Variants in MCPH1 observed in about 807,000 individuals in gnomAD.
The protein encoded by MCPH1 is microcephalin.
In MCPH1, 104 loss-of-function variants were observed where a neutral mutation model predicts 84.5. The ratio of observed to expected loss-of-function variants is 1.23; its 90% CI spans 1.05 to 1.45. The LOEUF (loss-of-function observed/expected upper bound fraction) is 1.45. Among genes scored for constraint, MCPH1 ranks in the 40% most tolerant of loss-of-function variants. The pLI is 0.00. For missense variants in MCPH1, 1,498 were observed against 1,005.7 expected (o/e 1.49, Z -6.62); for synonymous variants, 514 against 366.8 (o/e 1.40, Z -4.58).
intron 12 of MCPH1, among the ~76,000 whole-genome samples, chr8:6,618,078 A>G (rs1050618846): frequency 6.6e-6 from 1 of 152,178 alleles, no homozygotes; most frequent in Non-Finnish European, 1.5e-5. Flanking sequence ...AGCTGAAGTT[A>G]GAGTTTAGAG....
chr8:6,433,385 C>T (rs1802127945), intron 4 of MCPH1, among the ~76,000 whole-genome samples: 2 of 152,164 alleles, frequency 1.3e-5, no homozygotes, highest in Admixed American at 6.5e-5. Context: ...GTAATCCCAG[C>T]ACTTCAGAAG....
chr8:6,525,324 G>A (rs963308710), intron 12 of MCPH1, among the ~76,000 whole-genome samples: 2 of 152,134 alleles, frequency 1.3e-5, no homozygotes, highest in African/African-American at 4.8e-5. Context: ...CAAACTCCTA[G>A]GTTCAAGCGA....
chr8:6,413,561 G>A (rs1351927591), intron 2 of MCPH1, among the ~76,000 whole-genome samples: 5 of 151,822 alleles, frequency 3.3e-5, no homozygotes, highest in African/African-American at 9.7e-5. Flanking sequence ...AGCTTCTGAT[G>A]TTCTTGCCTT....
intron 12 of MCPH1, chr8:6,508,793 C>G (rs999814405): frequency 2.1e-5 from 25 of 1,212,840 alleles, no homozygotes; most frequent in Non-Finnish European, 3.0e-5. Flanking sequence ...AACACATTTA[C>G]CTATATCAAG....
intron 12 of MCPH1, among the ~76,000 whole-genome samples, chr8:6,560,040 A>G (rs980620599): frequency 3.3e-5 from 5 of 152,222 alleles, no homozygotes; most frequent in African/African-American, 4.8e-5. Flanking sequence ...TCCCTAGGCT[A>G]TGCTGACCAC....
At chr8:6,579,596 C>T (rs1474340355) in intron 12 of MCPH1, among the ~76,000 whole-genome samples, 2 of 152,168 alleles carry the variant, frequency 1.3e-5, no homozygotes, top group Non-Finnish European at 2.9e-5. Context: ...ACTTTTTGCT[C>T]ATGCTTTTGT....
chr8:6,474,298 G>T, intron 9 of MCPH1: 1 of 514,914 alleles, frequency 1.9e-6, no homozygotes, highest in South Asian at 2.2e-5. Context: ...ATTCTGATAT[G>T]TGGTTTTTCC....
At chr8:6,576,064 A>G (rs1236049022) in intron 12 of MCPH1, among the ~76,000 whole-genome samples, 2 of 149,538 alleles carry the variant, frequency 1.3e-5, no homozygotes, top group East Asian at 3.9e-4. Context: ...AAAAAAAAAA[A>G]AAAAGTAATA....
At chr8:6,489,665 T>C (rs899499950) in intron 11 of MCPH1, among the ~76,000 whole-genome samples, 1 of 152,232 alleles carries the variant, frequency 6.6e-6, no homozygotes, top group Admixed American at 6.5e-5. Flanking sequence ...ATAATGCTGC[T>C]GCTACATCAG....
chr8:6,570,030 G>A (rs1237419640), intron 12 of MCPH1, among the ~76,000 whole-genome samples: 1 of 152,224 alleles, frequency 6.6e-6, no homozygotes, highest in African/African-American at 2.4e-5. Flanking sequence ...GCTTAGGAAA[G>A]AATCCTTGGA....
At chr8:6,516,590 G>T (rs1390838988) in intron 12 of MCPH1, among the ~76,000 whole-genome samples, 1 of 152,202 alleles carries the variant, frequency 6.6e-6, no homozygotes, top group Non-Finnish European at 1.5e-5. Context: ...AAAATGGTCA[G>T]TGCTGCTCAC....
intron 13 of MCPH1, chr8:6,627,262 T>C (rs1028704094): frequency 2.0e-6 from 2 of 985,280 alleles, no homozygotes; most frequent in African/African-American, 1.7e-5. Flanking sequence ...CACATCTCCA[T>C]TGCCTCGATA....
At chr8:6,473,514 G>T (rs1482813892) in intron 9 of MCPH1, among the ~76,000 whole-genome samples, 1 of 151,780 alleles carries the variant, frequency 6.6e-6, no homozygotes, top group Non-Finnish European at 1.5e-5. Flanking sequence ...TGTATTTTTA[G>T]TAGAGATGAG....
intron 12 of MCPH1, among the ~76,000 whole-genome samples, chr8:6,585,882 A>G (rs1827939153): frequency 6.6e-6 from 1 of 152,178 alleles, no homozygotes; most frequent in Non-Finnish European, 1.5e-5. Context: ...GCATTTTTCT[A>G]TTGCACCTCC....
chr8:6,431,437 G>C (rs1347339345), intron 3 of MCPH1, 62 bp from the exon 4 acceptor site: 12 of 1,221,614 alleles, frequency 9.8e-6, no homozygotes, highest in Non-Finnish European at 1.5e-5. Context: ...TGCAGATTTA[G>C]TGCTGTGTCA....
Position 6,505,286 on chromosome 8 carries a change from GT to G in MCPH1, c.2214+5359del, listed in dbSNP as rs1563305586. Among the ~76,000 whole-genome samples the G allele has an allele frequency of 0.017, 506 of 30,168 alleles. 58 individuals are homozygous for G. In the South Asian group the frequency reaches 0.18, roughly 10 times the overall value. The allele number at this position is 30,168 out of a possible 152,430, so 19.8% of individuals were successfully genotyped here. A position where few individuals can be genotyped will look rare whatever the true frequency, so the allele number is the denominator to read the frequency against. On this transcript the variant is annotated intron_variant, in intron 12 of 13. Transcript: ENST00000344683. ...TTTATATATATGTATACATATATATGTTATATACATATATATGTATATAACA... is the reference window on the plus strand; with the variant it reads ...TTTATATATATGTATACATATATATGTATATACATATATATGTATATAACA...
chr8:6,557,089 C>T (rs920378955), intron 12 of MCPH1, among the ~76,000 whole-genome samples: 3 of 152,174 alleles, frequency 2.0e-5, no homozygotes, highest in Non-Finnish European at 2.9e-5. Flanking sequence ...TGAGAAATAA[C>T]GCACTTCTGC....
At chr8:6,629,000 C>T (rs758669265) in intron 13 of MCPH1, among the ~76,000 whole-genome samples, 6 of 152,166 alleles carry the variant, frequency 3.9e-5, no homozygotes, top group Non-Finnish European at 8.8e-5. Flanking sequence ...CCTAAAGTGA[C>T]AGAGCTCATG....
rs891865529 is a variant in MCPH1 at position 6,436,158 on chromosome 8, T to A, written c.432T>A (p.Asn144Lys). The change falls in exon 5 of 14, where the codon AAT becomes AAA. Residue 144 changes from asparagine to lysine, a missense_variant. Coordinates refer to ENST00000344683, the MANE Select transcript of MCPH1 (RefSeq NM_024596.5). Reference sequence around the variant, plus strand: ...AAGAGCTACAAAGGCAAAAAACAAATCTAGGTAAGCTAAGAAATATAATAC... The same window carrying A: ...AAGAGCTACAAAGGCAAAAAACAAAACTAGGTAAGCTAAGAAATATAATAC... ...MAKELQRQKT[N>K]LDDDVPILLF... 1 of 1,612,982 alleles carries A rather than the reference T, an allele frequency of 6.2e-7. No individual in the cohort carries two copies.
Sources: gnomAD v4.1 joint callset for allele counts (sites outside exome capture counted in the v4.1 genomes callset) on GRCh38, gnomAD v4.1.1 for gene constraint, MANE v1.5 for transcripts, NCBI Gene and HGNC (gene_info 2026-07-23, HGNC 2026-07-21) for gene names.